Variants in TRPM3 observed in about 807,000 individuals in gnomAD.
TRPM3 encodes transient receptor potential cation channel subfamily M member 3, also known as long transient receptor potential channel 3.
TRPM3 carries 77 observed loss-of-function variants against 181.2 expected under a neutral mutation model. The observed-to-expected ratio is 0.42, with a 90% CI of 0.35 to 0.51. TRPM3 has a LOEUF of 0.51. Ranked by LOEUF, TRPM3 falls within the 20% of genes least tolerant of loss-of-function variation. The probability of loss-of-function intolerance (pLI) is 0.01; values close to 1 mark genes in which losing one functional copy is unlikely to be tolerated. For synonymous variants in TRPM3, 745 were observed against 796.4 expected, an observed-to-expected ratio of 0.94 and a Z score of 1.09; for missense variants, 1,759 against 2,196.7, an observed-to-expected ratio of 0.80 and a Z score of 3.98.
chr9:71,032,272 G>A (rs2057625233), intron 1 of TRPM3, among the ~76,000 whole-genome samples: 1 of 141,112 alleles, frequency 7.1e-6, no homozygotes, highest in Admixed American at 7.7e-5. Flanking sequence ...CAGAATAAGA[G>A]GCTAGTCATT....
chr9:71,257,796 T>A (rs527580555), intron 1 of TRPM3, among the ~76,000 whole-genome samples: 1 of 152,224 alleles, frequency 6.6e-6, no homozygotes, highest in Non-Finnish European at 1.5e-5. Context: ...CTTTTGATAA[T>A]GTCATCTCAC....
At chr9:70,938,990 TAAAAAA>T (rs147125886) in intron 1 of TRPM3, among the ~76,000 whole-genome samples, 2,961 of 148,080 alleles carry the variant, frequency 0.02, 48 homozygotes, top group East Asian at 0.047. Context: ...AATAAAAAAA[TAAAAAA>T]AAAACATTCA....
At chr9:70,830,275 C>A (rs547056345) in intron 5 of TRPM3, among the ~76,000 whole-genome samples, 1 of 152,284 alleles carries the variant, frequency 6.6e-6, no homozygotes, top group Non-Finnish European at 1.5e-5. Context: ...CTCAGCCAAG[C>A]TGATGTATTC....
At chr9:70,780,379 AT>A (rs1161000717) in intron 7 of TRPM3, among the ~76,000 whole-genome samples, 6 of 152,162 alleles carry the variant, frequency 3.9e-5, no homozygotes, top group Non-Finnish European at 8.8e-5. Flanking sequence ...ATCCAATTCT[AT>A]TTGTACAATG....
At chr9:71,081,291 G>A (rs12551626) in intron 1 of TRPM3, among the ~76,000 whole-genome samples, 4,431 of 152,270 alleles carry the variant, frequency 0.029, 116 homozygotes, top group East Asian at 0.1. Context: ...TAATTAGGAA[G>A]GTGGGCTCTC....
chr9:71,420,613 G>C (rs2093714070), intron 1 of TRPM3, among the ~76,000 whole-genome samples: 1 of 123,798 alleles, frequency 8.1e-6, no homozygotes, highest in Admixed American at 8.4e-5. Flanking sequence ...GAGAAAGAAA[G>C]AAAGACAGAA....
intron 1 of TRPM3, among the ~76,000 whole-genome samples, chr9:71,272,332 A>G (rs1177717569): frequency 2.6e-5 from 4 of 152,242 alleles, no homozygotes; most frequent in Non-Finnish European, 5.9e-5. Flanking sequence ...AATGTTAAAC[A>G]TTCAAAATCT....
At position 71,428,511 on chromosome 9, in the gene TRPM3, A is replaced by G. The variant is rs1407155620; in HGVS notation, c.183+18142T>C. Among the ~76,000 whole-genome samples, 3 of 152,102 alleles carry G rather than the reference A, an allele frequency of 2.0e-5. No homozygotes were observed. In the South Asian group the frequency reaches 6.2e-4, roughly 32 times the overall value. On this transcript the variant is annotated intron_variant, in intron 1 of 24. Coordinates refer to the TRPM3 transcript ENST00000357533. The stretch of plus-strand genomic sequence containing the variant: ...TACATATTTGGATGAACAGTTTTAC[A>G]TTTCATCATTGAGTTTCTTCAGAAT...
Position 71,285,574 on chromosome 9 carries a change from C to T in TRPM3, c.183+161079G>A, listed in dbSNP as rs2085214109. On this transcript the variant is annotated intron_variant, in intron 1 of 24. Transcript: ENST00000357533. ...CAGAGAAACAAGGCCCAGCACGCCC[C>T]AGTTTAACAAAGTTGAATAAAAGGC... Among the ~76,000 whole-genome samples, 4 of 152,156 alleles carry T rather than the reference C, an allele frequency of 2.6e-5. No individual in the cohort carries two copies. The South Asian group carries it at 8.3e-4, about 32-fold the overall frequency.
chr9:71,086,301 T>C (rs1228599524), intron 1 of TRPM3, among the ~76,000 whole-genome samples: 1 of 151,870 alleles, frequency 6.6e-6, no homozygotes, highest in African/African-American at 2.4e-5. Flanking sequence ...CTCAGTATCA[T>C]GTAATATACT....
intron 1 of TRPM3, among the ~76,000 whole-genome samples, chr9:71,399,706 T>A (rs1238401539): frequency 2.6e-5 from 4 of 151,854 alleles, no homozygotes; most frequent in Non-Finnish European, 5.9e-5. Context: ...TTTTTTTTTG[T>A]AGTTTTAGTA....
chr9:70,606,416 T>C lies in TRPM3; in HGVS notation c.2668-2946A>G, dbSNP rs577269959. 2.0e-5 allele frequency among the ~76,000 whole-genome samples: 3 copies of C among 152,322 alleles called. No individual in the cohort carries two copies. The East Asian group carries it at 5.8e-4, about 29-fold the overall frequency. ...TCATTTTTAGCCCCTGCCTGTTTTT[T>C]ACATCACAGTTATTCTATAATGAAC... On this transcript the variant is annotated intron_variant, in intron 19 of 25. Transcript: ENST00000677713.
chr9:70,944,340 T>C (rs919671451), intron 1 of TRPM3, among the ~76,000 whole-genome samples: 1 of 152,184 alleles, frequency 6.6e-6, no homozygotes, highest in Non-Finnish European at 1.5e-5. Context: ...AAGGATGAGT[T>C]TCTCTTGTAT....
In TRPM3 at chr9:70,832,383, C is replaced by T. The variant is rs1032669640; in HGVS notation, c.802-4365G>A. Among the ~76,000 whole-genome samples the T allele has an allele frequency of 5.3e-5, 8 of 152,146 alleles. No homozygotes were observed. In the South Asian group the frequency reaches 1.0e-3, roughly 20 times the overall value. On this transcript the variant is annotated intron_variant, in intron 5 of 25. Coordinates refer to ENST00000677713, the MANE Select transcript of TRPM3 (RefSeq NM_001366145.2). ...TAGTACTCTCTGAGCATTGTGGGCC[C>T]GAATACCTGTAAGCAATGACATTTG... is the stretch of plus-strand genomic sequence containing the variant.
intron 1 of TRPM3, among the ~76,000 whole-genome samples, chr9:70,909,583 G>T (rs923742411): frequency 1.3e-5 from 2 of 152,172 alleles, no homozygotes; most frequent in Non-Finnish European, 1.5e-5. Flanking sequence ...AGGCCCAAAA[G>T]GTAGGGGTTA....
chr9:71,446,849 C>T (rs2094210703), upstream of TRPM3: 3 of 1,532,206 alleles, frequency 2.0e-6, no homozygotes, highest in East Asian at 7.5e-5. Flanking sequence ...AAGTTCGCCT[C>T]CCTCGGCCGG....
chr9:71,033,907 A>C (rs1344939356), intron 1 of TRPM3, among the ~76,000 whole-genome samples: 1 of 152,148 alleles, frequency 6.6e-6, no homozygotes, highest in Admixed American at 6.5e-5. Context: ...TCAGGCTGCC[A>C]TCCCATCACA....
chr9:71,066,203 T>C (rs2061902277), intron 1 of TRPM3, among the ~76,000 whole-genome samples: 1 of 152,182 alleles, frequency 6.6e-6, no homozygotes, highest in African/African-American at 2.4e-5. Flanking sequence ...TCTGAAACAT[T>C]CACTAAAGTG....
At chr9:70,846,270 T>G in intron 4 of TRPM3, 108 bp downstream of exon 4, 8 of 1,009,824 alleles carry the variant, frequency 7.9e-6, no homozygotes, top group Non-Finnish European at 1.1e-5. Flanking sequence ...GACCCATGGG[T>G]AGGGATGAAG....
Sources: gnomAD v4.1 joint callset for allele counts (sites outside exome capture counted in the v4.1 genomes callset) on GRCh38, gnomAD v4.1.1 for gene constraint, MANE v1.5 for transcripts, NCBI Gene and HGNC (gene_info 2026-07-23, HGNC 2026-07-21) for gene names.